Variants in SUMF1 observed in about 807,000 individuals in gnomAD.
The protein encoded by SUMF1 is formylglycine-generating enzyme.
A neutral mutation model predicts 47.6 loss-of-function variants in SUMF1; 48 were observed. That is an observed-to-expected ratio of 1.01 (90% confidence interval 0.80 to 1.28). The LOEUF (loss-of-function observed/expected upper bound fraction) is 1.28, where lower values mean the gene tolerates loss of function less well. SUMF1 is among the 50% of genes most tolerant of loss of function. The pLI is 0.00. For synonymous variants in SUMF1, 230 were observed against 192.1 expected, an observed-to-expected ratio of 1.20 and a Z score of -1.63; for missense variants, 571 against 485.4, an observed-to-expected ratio of 1.18 and a Z score of -1.66.
intron 8 of SUMF1, among the ~76,000 whole-genome samples, chr3:4,284,015 G>A (rs1697580647): frequency 6.6e-6 from 1 of 152,008 alleles, no homozygotes; most frequent in Non-Finnish European, 1.5e-5. Context: ...ATCACCTTGG[G>A]GGTTAGGATT....
intron 8 of SUMF1, among the ~76,000 whole-genome samples, chr3:4,146,809 A>C (rs1484570332): frequency 6.6e-6 from 1 of 151,440 alleles, no homozygotes; most frequent in Non-Finnish European, 1.5e-5. Context: ...TCCTTGCAAT[A>C]GTTTGCTGAG....
At chr3:4,373,231 CAA>C (rs1700221576) in intron 8 of SUMF1, among the ~76,000 whole-genome samples, 3 of 151,502 alleles carry the variant, frequency 2.0e-5, no homozygotes, top group East Asian at 3.9e-4. Context: ...ACAGGTGAGA[CAA>C]AGAGAAAAAA....
At chr3:4,292,326 G>A in intron 8 of SUMF1, among the ~76,000 whole-genome samples, 1 of 152,196 alleles carries the variant, frequency 6.6e-6, no homozygotes, top group East Asian at 1.9e-4. Flanking sequence ...AAGGCGTTTT[G>A]TTTAGTGGAA....
At chr3:4,354,853 C>G (rs186970773) in intron 8 of SUMF1, among the ~76,000 whole-genome samples, 11 of 152,326 alleles carry the variant, frequency 7.2e-5, no homozygotes, top group Non-Finnish European at 1.5e-4. Flanking sequence ...AAGCACTTAT[C>G]CAAGTACTTT....
chr3:4,348,501 T>C (rs940583755), intron 8 of SUMF1, among the ~76,000 whole-genome samples: 1 of 152,124 alleles, frequency 6.6e-6, no homozygotes, highest in Non-Finnish European at 1.5e-5. Context: ...GTGGACCCCT[T>C]CCTTACACCT....
chr3:4,287,803 C>A (rs925356499), intron 8 of SUMF1, among the ~76,000 whole-genome samples: 2 of 152,190 alleles, frequency 1.3e-5, no homozygotes, highest in East Asian at 3.8e-4. Context: ...CTTGTTAGTT[C>A]TGCATTAGCT....
intron 8 of SUMF1, among the ~76,000 whole-genome samples, chr3:4,295,449 T>C (rs1235828562): frequency 6.6e-6 from 1 of 151,812 alleles, no homozygotes; most frequent in Non-Finnish European, 1.5e-5. Flanking sequence ...AGGCTGGTGG[T>C]GTGCCTTATT....
At chr3:4,386,121 C>T (rs1294326026) in intron 7 of SUMF1, among the ~76,000 whole-genome samples, 2 of 152,094 alleles carry the variant, frequency 1.3e-5, no homozygotes, top group East Asian at 3.8e-4. Context: ...GTTCCTTTGC[C>T]TTTCCATATA....
At chr3:4,264,330 G>A (rs1697145899) in intron 8 of SUMF1, among the ~76,000 whole-genome samples, 3 of 152,268 alleles carry the variant, frequency 2.0e-5, no homozygotes, top group African/African-American at 7.2e-5. Flanking sequence ...GGAAGGAGCA[G>A]TGAGACTTTT....
At chr3:4,382,450 C>T (rs768710968) in intron 7 of SUMF1, among the ~76,000 whole-genome samples, 39 of 151,954 alleles carry the variant, frequency 2.6e-4, no homozygotes, top group African/African-American at 5.6e-4. Flanking sequence ...AATGATTCCA[C>T]GAAGATGCAA....
chr3:4,323,543 C>G (rs1311350006), intron 8 of SUMF1, among the ~76,000 whole-genome samples: 2 of 151,916 alleles, frequency 1.3e-5, no homozygotes, highest in East Asian at 3.9e-4. Flanking sequence ...ATTGTATCTC[C>G]TTAAAGATAT....
intron 8 of SUMF1, among the ~76,000 whole-genome samples, chr3:4,151,483 G>C (rs893173562): frequency 2.1e-5 from 3 of 141,094 alleles, no homozygotes; most frequent in Admixed American, 1.4e-4. Context: ...ATGTATATAT[G>C]TGTATATATA....
Position 4,172,529 on chromosome 3 carries a change from T to G in SUMF1, c.1015-103784A>C, listed in dbSNP as rs545626772. ...AGCAACTCTATAAGAAAGGTAAGATTATTAGCTCTGCTTTACAGATGAGGA... is the reference window on the plus strand; with the variant it reads ...AGCAACTCTATAAGAAAGGTAAGATGATTAGCTCTGCTTTACAGATGAGGA... On this transcript the variant is annotated intron_variant and NMD_transcript_variant, in intron 8 of 12. Coordinates refer to the SUMF1 transcript ENST00000448413. Among the ~76,000 whole-genome samples, 10 of 152,258 alleles carry G rather than the reference T, an allele frequency of 6.6e-5. No homozygotes were observed. In the South Asian group the frequency reaches 2.1e-3, roughly 32 times the overall value.
At position 4,364,200 on chromosome 3, in the gene SUMF1, C is replaced by T. The variant is rs535538496; in HGVS notation, c.1015-1946G>A. On this transcript the variant is annotated intron_variant, in intron 8 of 8. Coordinates refer to ENST00000272902, the MANE Select transcript of SUMF1 (RefSeq NM_182760.4). ...CTAAAATTCTCTTTCTTGGTTGAGT[C>T]TCTGCCCGGCTTTGGTATCAGGATG... 2.9e-5 allele frequency among the ~76,000 whole-genome samples: 4 copies of T among 138,880 alleles called. No homozygotes were observed. In the South Asian group the frequency reaches 9.9e-4, roughly 34 times the overall value. The allele number at this position is 138,880 out of a possible 152,430, so 91.1% of individuals were successfully genotyped here. A position where few individuals can be genotyped will look rare whatever the true frequency, so the allele number is the denominator to read the frequency against.
intron 8 of SUMF1, among the ~76,000 whole-genome samples, chr3:4,319,272 G>A (rs371077567): frequency 1.2e-4 from 19 of 152,286 alleles, no homozygotes; most frequent in African/African-American, 4.6e-4. Context: ...ATGACAGGGG[G>A]TTCAGTCCTG....
chr3:4,109,259 C>T (rs1338669151), intron 8 of SUMF1, among the ~76,000 whole-genome samples: 1 of 152,080 alleles, frequency 6.6e-6, no homozygotes, highest in Admixed American at 6.5e-5. Context: ...GGCCCCCACT[C>T]TCTTCTGGCT....
At chr3:4,208,228 C>T (rs577821542) in intron 8 of SUMF1, among the ~76,000 whole-genome samples, 8 of 152,030 alleles carry the variant, frequency 5.3e-5, no homozygotes, top group Non-Finnish European at 8.8e-5. Flanking sequence ...ATACCCAACT[C>T]CAGCCCCCTC....
At chr3:4,172,796 C>T (rs556909956) in intron 8 of SUMF1, among the ~76,000 whole-genome samples, 3 of 152,068 alleles carry the variant, frequency 2.0e-5, no homozygotes, top group African/African-American at 7.2e-5. Flanking sequence ...AAAATTTTCT[C>T]CCATTCTGTA....
At chr3:4,211,121 T>TATATATATATATATATACACAC (rs150373609) in intron 8 of SUMF1, among the ~76,000 whole-genome samples, 3 of 128,296 alleles carry the variant, frequency 2.3e-5, no homozygotes, top group African/African-American at 9.0e-5. Flanking sequence ...TATATATATA[T>TATATATATATATATATACACAC]ACACACACAC....
Sources: allele counts gnomAD v4.1 joint callset (sites outside exome capture counted in the v4.1 genomes callset), GRCh38; gene constraint gnomAD v4.1.1; transcripts MANE v1.5; gene names NCBI Gene and HGNC (gene_info 2026-07-23, HGNC 2026-07-21).